FAT1: variants seen among roughly 807,000 people sequenced by gnomAD.
The protein encoded by FAT1 is FAT atypical cadherin 1.
FAT1 carries 171 observed loss-of-function variants against 329.8 expected under a neutral mutation model. The ratio of observed to expected loss-of-function variants is 0.52; its 90% CI spans 0.46 to 0.59. FAT1 has a LOEUF of 0.59. FAT1 is among the 20% of genes least tolerant of loss of function. FAT1 has a pLI of 0.00. For synonymous variants in FAT1, 2,233 were observed against 2,228.6 expected (o/e 1.00, Z -0.06); for missense variants, 5,672 against 5,774.4 (o/e 0.98, Z 0.57).
At chr4:186,666,124 A>G (rs1180450265) in intron 2 of FAT1, among the ~76,000 whole-genome samples, 1 of 151,936 alleles carries the variant, frequency 6.6e-6, no homozygotes, top group Non-Finnish European at 1.5e-5. Context: ...AACATGGCAC[A>G]TGTATACATA....
At chr4:186,726,601 G>C (rs1745730180), upstream of FAT1, 1 of 152,274 alleles carries the variant, frequency 6.6e-6, no homozygotes, top group Non-Finnish European at 1.5e-5. Context: ...CGCGGGGCCG[G>C]AACGAGGGCC....
chr4:186,643,505 G>C (rs960677175), intron 3 of FAT1, among the ~76,000 whole-genome samples: 1 of 152,122 alleles, frequency 6.6e-6, no homozygotes, highest in Non-Finnish European at 1.5e-5. Flanking sequence ...GTGGCACCAG[G>C]TGATGCACCC....
intron 3 of FAT1, among the ~76,000 whole-genome samples, chr4:186,660,278 G>A (rs1742108658): frequency 6.6e-6 from 1 of 152,170 alleles, no homozygotes; most frequent in South Asian, 2.1e-4. Flanking sequence ...GACGAGGCAT[G>A]TGTACTTCAG....
chr4:186,669,043 A>G (rs1205414998), intron 2 of FAT1, among the ~76,000 whole-genome samples: 1 of 152,174 alleles, frequency 6.6e-6, no homozygotes, highest in Non-Finnish European at 1.5e-5. Flanking sequence ...CTTTCTATTT[A>G]CACATATTCA....
At chr4:186,595,087 G>A (rs550390772) in intron 26 of FAT1, among the ~76,000 whole-genome samples, 1 of 152,084 alleles carries the variant, frequency 6.6e-6, no homozygotes, top group South Asian at 2.1e-4. Context: ...AACATAACTG[G>A]TGGCAAAGAT....
In FAT1 at chr4:186,619,987, G is replaced by A. The variant is rs759188229; in HGVS notation, c.6599C>T (p.Pro2200Leu). 3.1e-6 allele frequency: 5 copies of A among 1,614,012 alleles called. No homozygotes were observed. The highest frequency in any genetic ancestry group is 2.2e-5 in the East Asian group (1 of 44,874). ...GCTGTTAGCCTGCACGTGGACCACA[G>A]GGCTGTGCACCTGGATGCTCTCTGC... ...EIAESIQVHS[P>L]VVHVQANSPE... The change falls in exon 10 of 27, where the codon CCT (proline) becomes CTT (leucine). Residue 2200 changes from proline to leucine, a missense_variant. Pro to Leu is a moderately conservative substitution (Grantham distance 98). Around this residue, in one of 2 missense-constraint regions of FAT1, gnomAD observed 3,966 missense variants for 3,915.2 expected, o/e 1.01. Coordinates refer to ENST00000441802, the MANE Select transcript of FAT1 (RefSeq NM_005245.4).
Position 186,706,456 on chromosome 4 carries a change from C to A in FAT1, c.3265+107G>T, listed in dbSNP as rs1167096458. ...TATTCACACGCACTTCTATACCGAGCCCAAAGAGCAACAGGGAATTTTGAA... is the reference window on the plus strand; with the variant it reads ...TATTCACACGCACTTCTATACCGAGACCAAAGAGCAACAGGGAATTTTGAA... On this transcript the variant is annotated intron_variant, in intron 2 of 26. Transcript: ENST00000441802. 1.1e-5 allele frequency: 14 copies of A among 1,222,102 alleles called. No individual in the cohort carries two copies. In the African/African-American group the frequency reaches 1.8e-4, roughly 16 times the overall value. 75.7% of individuals were successfully genotyped at this position (1,222,102 alleles called of 1,614,324 possible).
intron 2 of FAT1, among the ~76,000 whole-genome samples, chr4:186,669,041 T>C (rs913845255): frequency 2.6e-5 from 4 of 152,186 alleles, no homozygotes; most frequent in African/African-American, 9.7e-5. Context: ...ATCTTTCTAT[T>C]TACACATATT....
rs2126525071 is a variant in FAT1 at position 186,621,415 on chromosome 4, G to C, written c.5171C>G (p.Ala1724Gly). The change falls in exon 10 of 27, where the codon GCC becomes GGC. Residue 1724 changes from alanine to glycine, a missense_variant. This residue lies in a region of FAT1 where 3,966 missense variants were observed against 3,915.2 expected (regional missense o/e 1.01). Transcript: ENST00000441802. ...PHSGTIITQK[A>G]LDFETLPIYT... Reference sequence around the variant, plus strand: ...AATGGGCAAAGTTTCAAAGTCCAGGGCTTTCTGAGTGATGATAGTTCCAGA... The same window carrying C: ...AATGGGCAAAGTTTCAAAGTCCAGGCCTTTCTGAGTGATGATAGTTCCAGA... 6.2e-7 allele frequency: 1 copy of C among 1,613,996 alleles called. No individual in the cohort carries two copies. The highest frequency in any genetic ancestry group is 8.5e-7 in the Non-Finnish European group (1 of 1,179,892).
chr4:186,607,357 G>GGAT (rs1325898760), intron 16 of FAT1, among the ~76,000 whole-genome samples: 1 of 151,856 alleles, frequency 6.6e-6, no homozygotes, highest in African/African-American at 2.4e-5. Flanking sequence ...ATGAATGGAT[G>GGAT]GATGCATAGA....
At chr4:186,670,379 T>C (rs1431287767) in intron 2 of FAT1, among the ~76,000 whole-genome samples, 1 of 152,214 alleles carries the variant, frequency 6.6e-6, no homozygotes, top group Non-Finnish European at 1.5e-5. Context: ...ATATTTTCCC[T>C]ACAGGCAACA....
chr4:186,618,179 T>C lies in FAT1; in HGVS notation c.8407A>G (p.Asn2803Asp), dbSNP rs1223968045. Reference sequence around the variant, plus strand: ...GATTCAAAGACCGGGCTGTTGTCATTTGCATCTTTCACTTGGATACTAACA... The same window carrying C: ...GATTCAAAGACCGGGCTGTTGTCATCTGCATCTTTCACTTGGATACTAACA... ...VDVSIQVKDA[N>D]DNSPVFESSP... The change falls in exon 10 of 27, where the codon AAT (asparagine) becomes GAT (aspartate). Residue 2803 changes from asparagine to aspartate, a missense_variant. This residue lies in a region of FAT1 where 3,966 missense variants were observed against 3,915.2 expected (regional missense o/e 1.01). Transcript: ENST00000441802. 2 of 1,614,024 alleles carry C rather than the reference T, an allele frequency of 1.2e-6. No individual in the cohort carries two copies. Among genetic ancestry groups the C allele is most frequent in the Non-Finnish European group, 1.7e-6 (2 of 1,179,898 alleles).
In FAT1 at chr4:186,603,164, CAT is replaced by C. The variant is rs1560923963; in HGVS notation, c.11350+10_11350+11del. ...TCTGTGACACCGACTTTCATACACT[CAT>C]GTGCAGTACCTTTGCAGAGACACAC... On this transcript the variant is annotated intron_variant, in intron 19 of 26. Coordinates refer to ENST00000441802, the MANE Select transcript of FAT1 (RefSeq NM_005245.4). The C allele has an allele frequency of 1.2e-6, 2 of 1,613,332 alleles. No homozygotes were observed. Among genetic ancestry groups the C allele is most frequent in the East Asian group, 2.2e-5 (1 of 44,870 alleles).
At position 186,600,321 on chromosome 4, in the gene FAT1, T is replaced by G; in HGVS notation, c.11680A>C (p.Ser3894Arg). ...GRLQYKFDCG[S>R]GPGIVSVQSI... is the part of the protein sequence containing the mutation. ...TGAACAGAGACAATTCCAGGGCCAC[T>G]TCCACAGTCAAACTTGTACTGCAGC... Residue 3894 changes from serine to arginine, a missense_variant, in exon 22 of 27, where the codon AGT (serine) becomes CGT (arginine). Physicochemically the swap from Ser to Arg is moderately radical, Grantham distance 110 (BLOSUM62 -1). Transcript: ENST00000441802. 6.2e-7 allele frequency: 1 copy of G among 1,613,574 alleles called. No homozygotes were observed. Among genetic ancestry groups the G allele is most frequent in the Non-Finnish European group, 8.5e-7 (1 of 1,179,714 alleles).
intron 3 of FAT1, among the ~76,000 whole-genome samples, chr4:186,654,714 A>T (rs1178067880): frequency 2.0e-5 from 3 of 152,166 alleles, no homozygotes; most frequent in African/African-American, 7.2e-5. Flanking sequence ...GTTGGAGACC[A>T]GCCTGAGCAA....
At chr4:186,642,651 T>C (rs530619168) in intron 3 of FAT1, among the ~76,000 whole-genome samples, 2 of 152,140 alleles carry the variant, frequency 1.3e-5, no homozygotes, top group East Asian at 3.9e-4. Flanking sequence ...CTGCAATGGG[T>C]GGCTACGTGC....
chr4:186,711,988 T>C (rs1744982520), intron 1 of FAT1, among the ~76,000 whole-genome samples: 1 of 149,322 alleles, frequency 6.7e-6, no homozygotes, highest in Non-Finnish European at 1.5e-5. Context: ...GTTTTAGGAG[T>C]CACATTATGT....
At chr4:186,667,408 T>C (rs1162422240) in intron 2 of FAT1, among the ~76,000 whole-genome samples, 1 of 152,230 alleles carries the variant, frequency 6.6e-6, no homozygotes, top group East Asian at 1.9e-4. Flanking sequence ...GATTGTGTAA[T>C]TCGCAATTAA....
chr4:186,682,830 G>A (rs1444853124), intron 2 of FAT1, among the ~76,000 whole-genome samples: 1 of 152,150 alleles, frequency 6.6e-6, no homozygotes, highest in Non-Finnish European at 1.5e-5. Flanking sequence ...GGCCCCAAGG[G>A]GGAACCAGGC....
Sources: gnomAD v4.1 joint callset for allele counts (sites outside exome capture counted in the v4.1 genomes callset) on GRCh38, gnomAD v4.1.1 for gene constraint, gnomAD v4.1.1 regional missense constraint, MANE v1.5 for transcripts, NCBI Gene and HGNC (gene_info 2026-07-23, HGNC 2026-07-21) for gene names.